Variants in CHPT1 observed in about 807,000 individuals in gnomAD.
CHPT1 encodes the protein cholinephosphotransferase 1.
A neutral mutation model predicts 47.6 loss-of-function variants in CHPT1; 36 were observed. The observed-to-expected ratio is 0.76, with a 90% CI of 0.58 to 1.00. The LOEUF (loss-of-function observed/expected upper bound fraction) is 1.00. CHPT1 is among the 50% of genes least tolerant of loss of function. The probability of loss-of-function intolerance (pLI) is 0.00; values close to 1 mark genes in which losing one functional copy is unlikely to be tolerated. For synonymous variants in CHPT1, 194 were observed against 186.3 expected, an observed-to-expected ratio of 1.04 and a Z score of -0.33; for missense variants, 458 against 498.1, an observed-to-expected ratio of 0.92 and a Z score of 0.77.
intron 3 of CHPT1, chr12:101,715,199 G>C (rs941335284): frequency 2.6e-5 from 4 of 152,200 alleles, no homozygotes; most frequent in African/African-American, 9.7e-5. Flanking sequence ...TTAGAGACCA[G>C]GAAATAGTGC....
chr12:101,720,115 C>T lies in CHPT1; in HGVS notation c.649-8C>T. 2 of 1,573,994 alleles carry T rather than the reference C, an allele frequency of 1.3e-6. No homozygotes were observed. Among genetic ancestry groups the T allele is most frequent in the Non-Finnish European group, 1.7e-6 (2 of 1,161,700 alleles). On this transcript the variant is annotated splice_polypyrimidine_tract_variant and splice_region_variant and intron_variant, in intron 4 of 8. Coordinates refer to ENST00000229266, the MANE Select transcript of CHPT1 (RefSeq NM_020244.3). ...TGTCTTAATTGTTTCTTTCTTCTAC[C>T]CCTAAAGATTCCTATTCTAGAAATA... is the stretch of plus-strand genomic sequence containing the variant.
At chr12:101,699,531 G>A (rs1295006277) in intron 1 of CHPT1, among the ~76,000 whole-genome samples, 1 of 151,746 alleles carries the variant, frequency 6.6e-6, no homozygotes, top group African/African-American at 2.4e-5. Flanking sequence ...GGGACTACAC[G>A]TGCCTGCCAC....
intron 1 of CHPT1, among the ~76,000 whole-genome samples, chr12:101,712,709 A>G (rs1680717846): frequency 6.7e-6 from 1 of 148,672 alleles, no homozygotes; most frequent in Admixed American, 6.9e-5. Flanking sequence ...CAATTCAAAT[A>G]TTGTAATTTT....
rs768047891 is a variant in CHPT1, at chr12:101,729,019, TTTATTTAAGTG to T, written c.*79_*89del. 4.3e-5 allele frequency: 70 copies of T among 1,612,670 alleles called. No individual in the cohort carries two copies. In the East Asian group the frequency reaches 6.3e-4, roughly 14 times the overall value. ...GGAGATATTAAACATTTGTTTAATT[TTTATTTAAGTG>T]TTATACCTATTTCAGCAAATAAAAT... On this transcript the variant is annotated 3_prime_UTR_variant, in exon 9 of 9. Coordinates refer to ENST00000229266, the MANE Select transcript of CHPT1 (RefSeq NM_020244.3).
intron 5 of CHPT1, among the ~76,000 whole-genome samples, chr12:101,722,816 G>A (rs982820553): frequency 4.0e-5 from 6 of 151,650 alleles, no homozygotes; most frequent in Middle Eastern, 3.4e-3. Context: ...GGCAGAATAA[G>A]CTCTATTTCA....
At chr12:101,721,769 G>A (rs1466487962) in intron 5 of CHPT1, among the ~76,000 whole-genome samples, 1 of 152,074 alleles carries the variant, frequency 6.6e-6, no homozygotes, top group Non-Finnish European at 1.5e-5. Context: ...CTACTCTAAA[G>A]AATATTTTTG....
intron 8 of CHPT1, chr12:101,727,858 A>G (rs1219011518): frequency 6.6e-6 from 1 of 152,196 alleles, no homozygotes; most frequent in Non-Finnish European, 1.5e-5. Context: ...AATTAGAAAA[A>G]GTTTATCTGT....
At chr12:101,715,595 T>C (rs963138330) in intron 3 of CHPT1, among the ~76,000 whole-genome samples, 2 of 152,120 alleles carry the variant, frequency 1.3e-5, no homozygotes, top group Non-Finnish European at 2.9e-5. Context: ...CTAAAGACAT[T>C]GGGGCATCCA....
chr12:101,722,306 T>G (rs1951862642), intron 5 of CHPT1, among the ~76,000 whole-genome samples: 1 of 152,192 alleles, frequency 6.6e-6, no homozygotes, highest in African/African-American at 2.4e-5. Context: ...AATTTTATAG[T>G]AAGTTCTAAC....
intron 1 of CHPT1, among the ~76,000 whole-genome samples, chr12:101,710,959 A>G (rs1003809321): frequency 2.0e-5 from 3 of 148,730 alleles, no homozygotes; most frequent in African/African-American, 4.9e-5. Context: ...ACAATTTTTC[A>G]TAGTAGAAAA....
At chr12:101,700,074 TG>T (rs1467681380) in intron 1 of CHPT1, among the ~76,000 whole-genome samples, 4 of 152,238 alleles carry the variant, frequency 2.6e-5, no homozygotes, top group Non-Finnish European at 5.9e-5. Context: ...GACAACATCC[TG>T]AAAACACATA....
intron 4 of CHPT1, among the ~76,000 whole-genome samples, chr12:101,718,304 C>G (rs1951794029): frequency 6.6e-6 from 1 of 152,232 alleles, no homozygotes; most frequent in Non-Finnish European, 1.5e-5. Context: ...AATGTAGGTT[C>G]ACCAGTTGTA....
At chr12:101,698,503 G>T (rs1331582517) in intron 1 of CHPT1, among the ~76,000 whole-genome samples, 1 of 152,256 alleles carries the variant, frequency 6.6e-6, no homozygotes, top group Admixed American at 6.5e-5. Flanking sequence ...GCACACTGGG[G>T]ACTGAACACC....
rs2303627 is a variant in CHPT1 at position 101,716,835 on chromosome 12, A to G, written c.648+23A>G. On this transcript the variant is annotated intron_variant, in intron 4 of 8. Transcript: ENST00000229266. ...ACGGTAAATCTGAATATTTAAATTT[A>G]TATTTAAGTACTTTTCAAATATTTA... The G allele has an allele frequency of 0.023, 31,556 of 1,380,436 alleles. 3,174 individuals carry two copies. In the East Asian group the frequency reaches 0.33, roughly 14 times the overall value. 85.5% of individuals were successfully genotyped at this position (1,380,436 alleles called of 1,614,324 possible). A position where few individuals can be genotyped will look rare whatever the true frequency, so the allele number is the denominator to read the frequency against.
At chr12:101,701,284 C>T (rs1951551417) in intron 1 of CHPT1, among the ~76,000 whole-genome samples, 1 of 152,084 alleles carries the variant, frequency 6.6e-6, no homozygotes. Context: ...AACTATGTAC[C>T]CATCTTTCAA....
In CHPT1 at chr12:101,720,175, G is replaced by T; in HGVS notation, c.701G>T (p.Gly234Val). 1 of 1,601,680 alleles carries T rather than the reference G, an allele frequency of 6.2e-7. No individual in the cohort carries two copies. Among genetic ancestry groups the T allele is most frequent in the Non-Finnish European group, 8.5e-7 (1 of 1,171,740 alleles). Reference protein sequence around the residue: ...LKILPVLGFLGGVIFSCSNYF... With the variant: ...LKILPVLGFLVGVIFSCSNYF... ...ATCCTTCCAGTTCTTGGATTTCTAG[G>T]TGGAGTAATATTTTCCTGTTCAAAT... The change falls in exon 5 of 9, where the codon GGT becomes GTT. Residue 234 changes from glycine to valine, a missense_variant. By Grantham distance (109) the Gly-to-Val change is moderately radical (BLOSUM62 -3). Coordinates refer to ENST00000229266, the MANE Select transcript of CHPT1 (RefSeq NM_020244.3).
At chr12:101,726,861 G>GTAAT (rs1478535153) in intron 8 of CHPT1, 2 of 162,474 alleles carry the variant, frequency 1.2e-5, no homozygotes, top group African/African-American at 4.8e-5. Flanking sequence ...GGCTTATAAT[G>GTAAT]TAATTATTGA....
Position 101,714,563 on chromosome 12 carries a change from T to C in CHPT1, c.481T>C (p.Phe161Leu), listed in dbSNP as rs79249537. ...ARLGTYPDWF[F>L]FCSFIGMFVF... ...CTTAGGAACTTATCCTGACTGGTTTTTTTTCTGCTCTTTTATTGGGATGTT... is the reference window on the plus strand; with the variant it reads ...CTTAGGAACTTATCCTGACTGGTTTCTTTTCTGCTCTTTTATTGGGATGTT... The change falls in exon 3 of 9, where the codon TTT (phenylalanine) becomes CTT (leucine). Residue 161 changes from phenylalanine (F) to leucine (L), a missense_variant. Phe to Leu is a conservative substitution (Grantham distance 22, BLOSUM62 0). Transcript: ENST00000229266. The C allele has an allele frequency of 7.4e-6, 12 of 1,613,408 alleles. No individual in the cohort carries two copies. The African/African-American group carries it at 1.6e-4, about 22-fold the overall frequency.
chr12:101,700,686 T>C (rs927263114), intron 1 of CHPT1, among the ~76,000 whole-genome samples: 1 of 151,172 alleles, frequency 6.6e-6, no homozygotes, highest in Admixed American at 6.6e-5. Context: ...TGTAAAGTGC[T>C]TTCACATCCA....
Sources: gnomAD v4.1 joint callset for allele counts (sites outside exome capture counted in the v4.1 genomes callset) on GRCh38, gnomAD v4.1.1 for gene constraint, MANE v1.5 for transcripts, NCBI Gene and HGNC (gene_info 2026-07-23, HGNC 2026-07-21) for gene names.